Variants in MAP3K9 observed in about 807,000 individuals in gnomAD.
MAP3K9 encodes the protein mitogen-activated protein kinase kinase kinase 9.
In MAP3K9, 46 loss-of-function variants were observed where a neutral mutation model predicts 95.8. That is an observed-to-expected ratio of 0.48 (90% CI 0.38 to 0.61). The LOEUF (loss-of-function observed/expected upper bound fraction) is 0.61. Among genes scored for constraint, MAP3K9 ranks in the 20% least tolerant of loss-of-function variants. The probability of loss-of-function intolerance (pLI) is 0.00; values close to 1 mark genes in which losing one functional copy is unlikely to be tolerated. For synonymous variants in MAP3K9, 533 were observed against 593.8 expected (o/e 0.90, Z 1.49); for missense variants, 1,296 against 1,474.3 (o/e 0.88, Z 1.98).
At chr14:70,731,333 C>G (rs1373951153) in intron 11 of MAP3K9, among the ~76,000 whole-genome samples, 3 of 152,056 alleles carry the variant, frequency 2.0e-5, no homozygotes, top group African/African-American at 7.2e-5. Flanking sequence ...CCTGTAGTCC[C>G]AGCTACTTGG....
intron 2 of MAP3K9, among the ~76,000 whole-genome samples, chr14:70,769,130 G>C (rs910307071): frequency 7.0e-6 from 1 of 142,946 alleles, no homozygotes; most frequent in Admixed American, 7.1e-5. Context: ...AGAATGGCTT[G>C]AGCCCAGGAA....
intron 2 of MAP3K9, among the ~76,000 whole-genome samples, chr14:70,761,536 G>A (rs909680277): frequency 2.6e-5 from 4 of 152,160 alleles, no homozygotes; most frequent in Admixed American, 6.5e-5. Context: ...GCCGAGACGG[G>A]TGGATCACCT....
At position 70,730,005 on chromosome 14, in the gene MAP3K9, C is replaced by A. The variant is rs1426422250; in HGVS notation, c.*375G>T. On this transcript the variant is annotated 3_prime_UTR_variant, in exon 12 of 12. Transcript: ENST00000554752. ...GCTGAACTCGGGGCTGACAAAGGGA[C>A]CCTATGACAGCTCTGCGCACACCCA... The A allele has an allele frequency of 1.4e-5, 3 of 213,104 alleles. No individual in the cohort carries two copies. Among genetic ancestry groups the A allele is most frequent in the East Asian group, 2.3e-4 (2 of 8,878 alleles). 13.2% of individuals were successfully genotyped at this position (213,104 alleles called of 1,614,324 possible).
chr14:70,768,612 A>G (rs977504528), intron 2 of MAP3K9, among the ~76,000 whole-genome samples: 1 of 152,164 alleles, frequency 6.6e-6, no homozygotes. Flanking sequence ...ACCACTTAAA[A>G]TGGTCTCAAG....
At chr14:70,784,918 C>A (rs1460889002) in intron 2 of MAP3K9, among the ~76,000 whole-genome samples, 2 of 152,282 alleles carry the variant, frequency 1.3e-5, no homozygotes, top group East Asian at 3.9e-4. Context: ...TGGGGATGAT[C>A]TACCCCACAA....
chr14:70,730,938 C>A (rs951087463), intron 11 of MAP3K9, 74 bp from the exon 12 acceptor site: 49 of 1,424,766 alleles, frequency 3.4e-5, no homozygotes, highest in Non-Finnish European at 4.2e-5. Flanking sequence ...CTACTCCCCC[C>A]CAACACCACC....
At chr14:70,751,587 T>C (rs1311517139) in intron 3 of MAP3K9, among the ~76,000 whole-genome samples, 1 of 151,888 alleles carries the variant, frequency 6.6e-6, no homozygotes, top group Admixed American at 6.6e-5. Flanking sequence ...GGTGTGGTGG[T>C]GCATGCCTGT....
At position 70,750,034 on chromosome 14, in the gene MAP3K9, CGAA is replaced by C; in HGVS notation, c.1046_1048del (p.Phe349_Arg350delinsTer). On this transcript the variant is annotated stop_gained and inframe_deletion, in exon 4 of 12. Coordinates refer to ENST00000554752, the MANE Select transcript of MAP3K9 (RefSeq NM_001284230.2). LOFTEE classifies it high-confidence loss of function. ...AGCGACTGCTAAGCCATCAATGCCT[CGAA>C]AGGGCACCTCACCAGTCAGCAACTC... 6.2e-7 allele frequency: 1 copy of C among 1,614,166 alleles called. No homozygotes were observed. The highest frequency in any genetic ancestry group is 8.5e-7 in the Non-Finnish European group (1 of 1,180,038).
chr14:70,783,327 G>A (rs1176869135), intron 2 of MAP3K9: 1 of 984,836 alleles, frequency 1.0e-6, no homozygotes, highest in Non-Finnish European at 1.2e-6. Context: ...TTTTTCTTGA[G>A]CATCCAAAGG....
Position 70,732,845 on chromosome 14 carries a change from C to CGGAGATGGAGGAGAG in MAP3K9, c.2509_2523dup (p.Leu837_Ser841dup). On this transcript the variant is annotated inframe_insertion, in exon 11 of 12. Coordinates refer to ENST00000554752, the MANE Select transcript of MAP3K9 (RefSeq NM_001284230.2). ...AGCAGGGAGCGTGTGGAGTTGCACT[C>CGGAGATGGAGGAGAG]GGAGATGGAGGAGAGGGAGAGCAGC... 1 of 1,613,842 alleles carries CGGAGATGGAGGAGAG rather than the reference C, an allele frequency of 6.2e-7. No individual in the cohort carries two copies. Among genetic ancestry groups the CGGAGATGGAGGAGAG allele is most frequent in the Non-Finnish European group, 8.5e-7 (1 of 1,179,898 alleles).
At chr14:70,797,010 G>A (rs915738828) in intron 2 of MAP3K9, among the ~76,000 whole-genome samples, 8 of 152,170 alleles carry the variant, frequency 5.3e-5, no homozygotes, top group African/African-American at 1.9e-4. Flanking sequence ...TATGCCATAC[G>A]CGTTTCACTG....
chr14:70,800,766 T>C lies in MAP3K9; in HGVS notation c.721A>G (p.Ile241Val), dbSNP rs2054919263. The change falls in exon 2 of 12, where the codon ATC becomes GTC. Residue 241 changes from isoleucine to valine, a missense_variant. Ile to Val is a conservative substitution (Grantham distance 29). Coordinates refer to ENST00000554752, the MANE Select transcript of MAP3K9 (RefSeq NM_001284230.2). ...ATCTGCACAGCCCAATTCACCAGGA[T>C]GTCTGGGGGAATCCTTTTCCCAGAT... ...VLSGKRIPPDILVNWAVQIAR... is the reference protein window; with the variant it reads ...VLSGKRIPPDVLVNWAVQIAR... The C allele has an allele frequency of 6.2e-7, 1 of 1,614,194 alleles. No individual in the cohort carries two copies. Among genetic ancestry groups the C allele is most frequent in the Non-Finnish European group, 8.5e-7 (1 of 1,180,036 alleles).
chr14:70,807,097 T>C (rs184378062), intron 1 of MAP3K9, among the ~76,000 whole-genome samples: 28 of 152,242 alleles, frequency 1.8e-4, no homozygotes, highest in African/African-American at 6.3e-4. Flanking sequence ...ACCTAAAGAT[T>C]TGAACATCGA....
chr14:70,739,741 T>A (rs2054041097), intron 7 of MAP3K9, among the ~76,000 whole-genome samples: 1 of 152,192 alleles, frequency 6.6e-6, no homozygotes, highest in Non-Finnish European at 1.5e-5. Flanking sequence ...TAGCAACCTG[T>A]ATCCACATCA....
intron 2 of MAP3K9, among the ~76,000 whole-genome samples, chr14:70,775,657 G>C (rs2054588363): frequency 6.6e-6 from 1 of 152,172 alleles, no homozygotes; most frequent in South Asian, 2.1e-4. Context: ...TCAAGCTAAT[G>C]GCTACTTCTC....
Position 70,742,370 on chromosome 14 carries a change from G to A in MAP3K9, c.1548C>T (p.Asn516=). 6.2e-7 allele frequency: 1 copy of A among 1,614,178 alleles called. No individual in the cohort carries two copies. The change falls in exon 6 of 12, where the codon AAC becomes AAT. Residue 516 remains asparagine (N), a synonymous_variant. Coordinates refer to ENST00000554752, the MANE Select transcript of MAP3K9 (RefSeq NM_001284230.2). ...RKSRLKLKDG[N]RISLPSDFQH... is the part of the protein sequence containing the mutation. The stretch of plus-strand genomic sequence containing the variant: ...ACTGACCAGAAGGGAGGCTGATGCG[G>A]TTGCCATCCTTGAGCTTCAGCCGGC...
At chr14:70,757,390 G>A (rs567861440) in intron 3 of MAP3K9, among the ~76,000 whole-genome samples, 3 of 150,418 alleles carry the variant, frequency 2.0e-5, no homozygotes, top group East Asian at 3.9e-4. Flanking sequence ...GAGCCCAGGA[G>A]GTCAAGGCTG....
chr14:70,755,539 A>G (rs187385750), intron 3 of MAP3K9, among the ~76,000 whole-genome samples: 14 of 152,346 alleles, frequency 9.2e-5, no homozygotes, highest in Admixed American at 9.1e-4. Context: ...AGACTATAGA[A>G]GATGTATAAC....
chr14:70,754,411 T>G (rs1454415872), intron 3 of MAP3K9, among the ~76,000 whole-genome samples: 1 of 152,170 alleles, frequency 6.6e-6, no homozygotes, highest in Non-Finnish European at 1.5e-5. Context: ...CAGGGTGATT[T>G]TCTTTCCCTA....
Sources: gnomAD v4.1 joint callset for allele counts (sites outside exome capture counted in the v4.1 genomes callset) on GRCh38, gnomAD v4.1.1 for gene constraint, MANE v1.5 for transcripts, NCBI Gene and HGNC (gene_info 2026-07-23, HGNC 2026-07-21) for gene names.